The following DIRAS2 variants were observed in gnomAD, a reference collection of about 807,000 sequenced individuals.
The protein encoded by DIRAS2 is GTP-binding protein Di-Ras2.
Under a neutral mutation model 13.9 loss-of-function variants are expected in DIRAS2, and 5 were observed. The ratio of observed to expected loss-of-function variants is 0.36; its 90% confidence interval spans 0.19 to 0.76. The LOEUF (loss-of-function observed/expected upper bound fraction) is 0.76, where lower values mean the gene tolerates loss of function less well. Among genes scored for constraint, DIRAS2 ranks in the 30% least tolerant of loss-of-function variants. The pLI is 0.53. For synonymous variants in DIRAS2, 111 were observed against 105.4 expected (o/e 1.05, Z -0.33); for missense variants, 191 against 263.0 (o/e 0.73, Z 1.89).
At chr9:90,615,964 G>A (rs1199526186) in intron 1 of DIRAS2, among the ~76,000 whole-genome samples, 1 of 152,212 alleles carries the variant, frequency 6.6e-6, no homozygotes, top group African/African-American at 2.4e-5. Flanking sequence ...TCAGAATGAA[G>A]CTCTCTTTTT....
At chr9:90,620,445 C>T (rs773377656) in intron 1 of DIRAS2, among the ~76,000 whole-genome samples, 1 of 152,122 alleles carries the variant, frequency 6.6e-6, no homozygotes, top group Non-Finnish European at 1.5e-5. Context: ...CCTAAATTAA[C>T]ATATTAATAC....
rs927879415 is a variant in DIRAS2, at chr9:90,612,503, C to T, written c.*725G>A. On this transcript the variant is annotated 3_prime_UTR_variant, in exon 2 of 2. Transcript: ENST00000375765. ...CATTATTGCGATGTTTTAATACTGTCACGATATCCTCACTTAAAAACTGAA... is the reference window on the plus strand; with the variant it reads ...CATTATTGCGATGTTTTAATACTGTTACGATATCCTCACTTAAAAACTGAA... The T allele has an allele frequency of 2.0e-5, 3 of 152,270 alleles. No individual in the cohort carries two copies. The highest frequency in any genetic ancestry group is 4.4e-5 in the Non-Finnish European group (3 of 68,094). 9.4% of individuals were successfully genotyped at this position (152,270 alleles called of 1,614,324 possible). A position where few individuals can be genotyped will look rare whatever the true frequency, so the allele number is the denominator to read the frequency against.
chr9:90,641,543 G>C (rs1825419267), intron 1 of DIRAS2, among the ~76,000 whole-genome samples: 1 of 152,064 alleles, frequency 6.6e-6, no homozygotes, highest in Non-Finnish European at 1.5e-5. Context: ...CATTTCCAGA[G>C]ATAGATAAAA....
intron 1 of DIRAS2, among the ~76,000 whole-genome samples, chr9:90,635,087 C>T (rs1351391894): frequency 6.6e-6 from 1 of 152,236 alleles, no homozygotes; most frequent in East Asian, 1.9e-4. Flanking sequence ...TGTTGCACAA[C>T]TAGTGACAGA....
Position 90,613,180 on chromosome 9 carries a change from G to T in DIRAS2, c.*48C>A, listed in dbSNP as rs1487912695. On this transcript the variant is annotated 3_prime_UTR_variant, in exon 2 of 2. Transcript: ENST00000375765. This position sits in a 1 kb window ranked among gnomAD's most constrained non-coding sequence, Gnocchi z 5.6. ...GACGACGGTGGGTGTCATTTTGGGG[G>T]AGTGAGGTGCCGGGGACACACAGCT... 1 of 1,572,882 alleles carries T rather than the reference G, an allele frequency of 6.4e-7. No homozygotes were observed. Among genetic ancestry groups the T allele is most frequent in the Non-Finnish European group, 8.6e-7 (1 of 1,160,324 alleles).
In DIRAS2 at chr9:90,612,291, T is replaced by C. The variant is rs1825121880; in HGVS notation, c.*937A>G. On this transcript the variant is annotated 3_prime_UTR_variant, in exon 2 of 2. Coordinates refer to ENST00000375765, the MANE Select transcript of DIRAS2 (RefSeq NM_017594.5). Reference sequence around the variant, plus strand: ...TGGTTGTCTGATGGCCTTTGCTGGCTGCTACCCAGCTGGGTACAGATCGAG... The same window carrying C: ...TGGTTGTCTGATGGCCTTTGCTGGCCGCTACCCAGCTGGGTACAGATCGAG... 6.6e-6 allele frequency: 1 copy of C among 152,634 alleles called. No individual in the cohort carries two copies. The highest frequency in any genetic ancestry group is 2.1e-4 in the South Asian group (1 of 4,828). The allele number at this position is 152,634 out of a possible 1,614,324, so 9.5% of individuals were successfully genotyped here.
chr9:90,623,513 A>C (rs1825240207), intron 1 of DIRAS2, among the ~76,000 whole-genome samples: 1 of 152,214 alleles, frequency 6.6e-6, no homozygotes, highest in Admixed American at 6.5e-5. Flanking sequence ...AAATACAAAA[A>C]TATATGTCAA....
Position 90,613,690 on chromosome 9 carries a change from T to G in DIRAS2, c.138A>C (p.Gln46His). 6.2e-7 allele frequency: 1 copy of G among 1,614,168 alleles called. No individual in the cohort carries two copies. Among genetic ancestry groups the G allele is most frequent in the Non-Finnish European group, 8.5e-7 (1 of 1,180,028 alleles). ...ATATGCTCTTGTCACAGCTGATCAC[T>G]TGCCGGTAGGTGTCTTCCACCGTCG... ...YIPTVEDTYR[Q>H]VISCDKSICT... Residue 46 changes from glutamine to histidine, a missense_variant, in exon 2 of 2, where the codon CAA becomes CAC. Physicochemically the swap from Gln to His is conservative, Grantham distance 24. Coordinates refer to ENST00000375765, the MANE Select transcript of DIRAS2 (RefSeq NM_017594.5). This position sits in a 1 kb window ranked among gnomAD's most constrained non-coding sequence, Gnocchi z 5.6.
In DIRAS2 at chr9:90,638,638, G is replaced by A. The variant is rs1007047635; in HGVS notation, c.-37+4114C>T. On this transcript the variant is annotated intron_variant, in intron 1 of 1. Coordinates refer to ENST00000375765, the MANE Select transcript of DIRAS2 (RefSeq NM_017594.5). Reference sequence around the variant, plus strand: ...GGCAATGAAATACTCCATTGATCATGTGTGTGTGTGTGTGTGTGTGTGTGC... The same window carrying A: ...GGCAATGAAATACTCCATTGATCATATGTGTGTGTGTGTGTGTGTGTGTGC... 7.1e-5 allele frequency among the ~76,000 whole-genome samples: 5 copies of A among 70,352 alleles called. No individual in the cohort carries two copies. The East Asian group carries it at 9.0e-4, about 13-fold the overall frequency. 46.2% of individuals were successfully genotyped at this position (70,352 alleles called of 152,430 possible).
At chr9:90,628,028 A>C (rs551256308) in intron 1 of DIRAS2, among the ~76,000 whole-genome samples, 4 of 126,582 alleles carry the variant, frequency 3.2e-5, no homozygotes, top group Non-Finnish European at 7.8e-5. Context: ...TAAAATTTAA[A>C]AAAAAGAAAA....
At chr9:90,619,128 ACT>A (rs1305076874) in intron 1 of DIRAS2, among the ~76,000 whole-genome samples, 1 of 151,946 alleles carries the variant, frequency 6.6e-6, no homozygotes, top group African/African-American at 2.4e-5. Flanking sequence ...ACAGAGTGAG[ACT>A]CTGACTCATC....
intron 1 of DIRAS2, among the ~76,000 whole-genome samples, chr9:90,623,617 A>G (rs1825241508): frequency 6.6e-6 from 1 of 152,242 alleles, no homozygotes; most frequent in South Asian, 2.1e-4. Flanking sequence ...GCTGAGTGAC[A>G]CAAGTTTCCC....
rs1825123094 is a variant in DIRAS2, at chr9:90,612,410, T to A, written c.*818A>T. Reference sequence around the variant, plus strand: ...TTTAAAATCTGAGGGCTGAAAGAAGTTATACTCCTCACAGGTCAAAAGAAG... The same window carrying A: ...TTTAAAATCTGAGGGCTGAAAGAAGATATACTCCTCACAGGTCAAAAGAAG... On this transcript the variant is annotated 3_prime_UTR_variant, in exon 2 of 2. Coordinates refer to ENST00000375765, the MANE Select transcript of DIRAS2 (RefSeq NM_017594.5). 6.6e-6 allele frequency: 1 copy of A among 152,662 alleles called. No individual in the cohort carries two copies. The highest frequency in any genetic ancestry group is 1.9e-4 in the East Asian group (1 of 5,186). 9.5% of individuals were successfully genotyped at this position (152,662 alleles called of 1,614,324 possible).
At chr9:90,617,651 G>A (rs769418323) in intron 1 of DIRAS2, among the ~76,000 whole-genome samples, 11 of 152,070 alleles carry the variant, frequency 7.2e-5, no homozygotes, top group Non-Finnish European at 1.5e-4. Flanking sequence ...GCAGATAAGG[G>A]GTTCATAAAG....
At chr9:90,619,257 T>A (rs564091916) in intron 1 of DIRAS2, among the ~76,000 whole-genome samples, 1 of 152,084 alleles carries the variant, frequency 6.6e-6, no homozygotes, top group Non-Finnish European at 1.5e-5. Context: ...CTGGCCAACA[T>A]GGTGAAACCC....
rs118152292 is a variant in DIRAS2 at position 90,633,860 on chromosome 9, G to A, written c.-37+8892C>T. ...GTGGATTGAGAAGTAAGCATAAAACGTAGAAACTGAGATAGGCAGCTCAGA... is the reference window on the plus strand; with the variant it reads ...GTGGATTGAGAAGTAAGCATAAAACATAGAAACTGAGATAGGCAGCTCAGA... On this transcript the variant is annotated intron_variant, in intron 1 of 1. Transcript: ENST00000375765. 6.8e-3 allele frequency among the ~76,000 whole-genome samples: 1,033 copies of A among 152,314 alleles called. 13 individuals carry two copies. The highest frequency in any genetic ancestry group is 0.014 in the Middle Eastern group (4 of 294).
chr9:90,622,718 A>G (rs1051916314), intron 1 of DIRAS2, among the ~76,000 whole-genome samples: 1 of 152,154 alleles, frequency 6.6e-6, no homozygotes, highest in African/African-American at 2.4e-5. Flanking sequence ...AGCCAGTATG[A>G]TTATCTTTCC....
chr9:90,618,759 T>C (rs563124967), intron 1 of DIRAS2, among the ~76,000 whole-genome samples: 6 of 152,302 alleles, frequency 3.9e-5, no homozygotes, highest in Non-Finnish European at 5.9e-5. Context: ...AGAAGATATA[T>C]GAATTTATTG....
intron 1 of DIRAS2, among the ~76,000 whole-genome samples, chr9:90,624,662 G>T (rs1219193155): frequency 6.6e-6 from 1 of 151,994 alleles, no homozygotes; most frequent in East Asian, 1.9e-4. Flanking sequence ...TTTCATCTGG[G>T]GAACATATGA....
Sources: gnomAD v4.1 joint callset for allele counts (sites outside exome capture counted in the v4.1 genomes callset) on GRCh38, gnomAD v4.1.1 for gene constraint, Gnocchi (gnomAD v3.1) non-coding constraint, MANE v1.5 for transcripts, NCBI Gene and HGNC (gene_info 2026-07-23, HGNC 2026-07-21) for gene names.